Variants in LGR6 observed in about 807,000 individuals in gnomAD.
The protein encoded by LGR6 is leucine-rich repeat-containing G protein-coupled receptor 6.
A neutral mutation model predicts 69.4 loss-of-function variants in LGR6; 45 were observed. The observed-to-expected ratio is 0.65, with a 90% CI of 0.51 to 0.83. The LOEUF (loss-of-function observed/expected upper bound fraction) is 0.83. LGR6 is among the 40% of genes least tolerant of loss of function. The pLI, the probability that LGR6 is intolerant of heterozygous loss-of-function variation, is 0.00. For synonymous variants in LGR6, 538 were observed against 555.0 expected, an observed-to-expected ratio of 0.97 and a Z score of 0.43; for missense variants, 1,108 against 1,246.7, an observed-to-expected ratio of 0.89 and a Z score of 1.68.
chr1:202,219,062 G>A lies in LGR6; in HGVS notation c.213-6361G>A, dbSNP rs2147934767. Among the ~76,000 whole-genome samples the A allele has an allele frequency of 2.0e-5, 3 of 152,290 alleles. 1 individual carries two copies. Among genetic ancestry groups the A allele is most frequent in the South Asian group, 4.1e-4 (2 of 4,820 alleles). On this transcript the variant is annotated intron_variant, in intron 1 of 17. Coordinates refer to ENST00000367278, the MANE Select transcript of LGR6 (RefSeq NM_001017403.2). ...CCGGGAACTTAGCATTCGTCTAATG[G>A]AACCAGGTCCTCTGATTCCAGATTC...
chr1:202,297,784 C>T (rs1571990019), intron 7 of LGR6, among the ~76,000 whole-genome samples: 1 of 144,628 alleles, frequency 6.9e-6, no homozygotes, highest in East Asian at 2.2e-4. Flanking sequence ...TCGGGCACTT[C>T]CTGGGGGTGT....
Position 202,208,255 on chromosome 1 carries a change from G to A in LGR6, c.212+14054G>A, listed in dbSNP as rs527446930. On this transcript the variant is annotated intron_variant, in intron 1 of 17. Coordinates refer to ENST00000367278, the MANE Select transcript of LGR6 (RefSeq NM_001017403.2). ...CCTGGGCTAGGACGCTGTCTTTGCCGCCAACATGCTGAGTGCCTTTGGACA... is the reference window on the plus strand; with the variant it reads ...CCTGGGCTAGGACGCTGTCTTTGCCACCAACATGCTGAGTGCCTTTGGACA... 6.4e-4 allele frequency among the ~76,000 whole-genome samples: 98 copies of A among 152,310 alleles called. 1 individual carries two copies. Among genetic ancestry groups the A allele is most frequent in the Admixed American group, 2.9e-3 (44 of 15,302 alleles).
Position 202,318,183 on chromosome 1 carries a change from G to A in LGR6, c.1880G>A (p.Gly627Asp), listed in dbSNP as rs1156846916. 1.2e-6 allele frequency: 2 copies of A among 1,613,598 alleles called. No homozygotes were observed. Among genetic ancestry groups the A allele is most frequent in the Non-Finnish European group, 1.7e-6 (2 of 1,179,996 alleles). The change falls in exon 18 of 18, where the codon GGT (glycine) becomes GAT (aspartate). Residue 627 changes from glycine (G) to aspartate (D), a missense_variant. By Grantham distance (94) the Gly-to-Asp change is moderately conservative. Transcript: ENST00000367278. Reference protein sequence around the residue: ...LLASVDALTFGQFSEYGARWE... With the variant: ...LLASVDALTFDQFSEYGARWE... ...GCCTCAGTCGATGCCCTGACCTTTG[G>A]TCAGTTCTCTGAGTACGGAGCCCGC...
intron 4 of LGR6, among the ~76,000 whole-genome samples, chr1:202,250,552 CCCA>C (rs1189644551): frequency 6.6e-6 from 1 of 151,778 alleles, no homozygotes; most frequent in African/African-American, 2.4e-5. Flanking sequence ...ATTACAGGGG[CCCA>C]CCACCACACC....
rs762016946 is a variant in LGR6, at chr1:202,227,966, C to T, written c.315C>T (p.Ile105=). The T allele has an allele frequency of 6.2e-7, 1 of 1,613,898 alleles. No homozygotes were observed. The highest frequency in any genetic ancestry group is 1.1e-5 in the South Asian group (1 of 91,074). Residue 105 remains isoleucine, a synonymous_variant, in exon 3 of 18, where the codon ATC becomes ATT. Transcript: ENST00000367278. ...LRLSGNHLSH[I]PGQAFSGLYS... ...TCTCTGGGAACCATCTCTCACACAT[C>T]CCAGGACAAGCATTCTCTGGTCTCT...
At chr1:202,288,081 C>A (rs1252716421) in intron 6 of LGR6, among the ~76,000 whole-genome samples, 1 of 152,124 alleles carries the variant, frequency 6.6e-6, no homozygotes, top group Non-Finnish European at 1.5e-5. Flanking sequence ...CTGGTGTCAC[C>A]CCCTCCTCAA....
At chr1:202,221,552 T>G (rs1228797408) in intron 1 of LGR6, among the ~76,000 whole-genome samples, 8 of 152,182 alleles carry the variant, frequency 5.3e-5, no homozygotes, top group Non-Finnish European at 1.2e-4. Flanking sequence ...TTGAGAGGAC[T>G]CATAGCCCTT....
At chr1:202,263,722 TGAAGAGAG>T (rs1664418437) in intron 4 of LGR6, among the ~76,000 whole-genome samples, 1 of 152,096 alleles carries the variant, frequency 6.6e-6, no homozygotes, top group African/African-American at 2.4e-5. Flanking sequence ...AGCAGAGCTT[TGAAGAGAG>T]GATGGAGAAA....
chr1:202,205,969 A>AACACACACACACACACACAC (rs10522754), intron 1 of LGR6, among the ~76,000 whole-genome samples: 1,568 of 149,042 alleles, frequency 0.011, 27 homozygotes, highest in African/African-American at 0.037. Flanking sequence ...ACAGACACAC[A>AACACACACACACACACACAC]ACACACACAC....
intron 1 of LGR6, among the ~76,000 whole-genome samples, chr1:202,201,623 G>T (rs1023930829): frequency 2.0e-5 from 3 of 152,174 alleles, no homozygotes; most frequent in African/African-American, 7.2e-5. Flanking sequence ...CAGCTGAGGG[G>T]TTTCCAAACT....
chr1:202,274,656 G>T (rs897202207), intron 4 of LGR6, among the ~76,000 whole-genome samples: 1 of 152,202 alleles, frequency 6.6e-6, no homozygotes, highest in Non-Finnish European at 1.5e-5. Context: ...CTAAGATTCT[G>T]CATTTCTAAC....
chr1:202,207,749 G>A (rs1327681797), intron 1 of LGR6, among the ~76,000 whole-genome samples: 2 of 152,216 alleles, frequency 1.3e-5, no homozygotes, highest in African/African-American at 4.8e-5. Context: ...ATAGAGGGAT[G>A]ACAACGATGC....
intron 4 of LGR6, among the ~76,000 whole-genome samples, chr1:202,254,660 A>G (rs1663605255): frequency 6.6e-6 from 1 of 152,228 alleles, no homozygotes; most frequent in African/African-American, 2.4e-5. Flanking sequence ...TAGAATAAAT[A>G]TAGCTGGTGC....
intron 6 of LGR6, among the ~76,000 whole-genome samples, chr1:202,291,373 C>A (rs770796187): frequency 6.6e-6 from 1 of 152,158 alleles, no homozygotes; most frequent in Non-Finnish European, 1.5e-5. Context: ...ATAAGCCATC[C>A]TGCAATGAAA....
intron 1 of LGR6, 200 bp downstream of exon 1, chr1:202,194,401 CGG>C (rs1308677668): frequency 1.7e-6 from 1 of 588,040 alleles, no homozygotes; most frequent in Admixed American, 3.2e-5. Context: ...GCAGGGAGAC[CGG>C]GCTTCCCTGA....
intron 6 of LGR6, among the ~76,000 whole-genome samples, chr1:202,284,311 A>G (rs1666238675): frequency 6.6e-6 from 1 of 152,340 alleles, no homozygotes; most frequent in African/African-American, 2.4e-5. Context: ...TTCTACTTCC[A>G]CAATGAGGAT....
chr1:202,266,106 TAAA>T (rs35998973), intron 4 of LGR6, among the ~76,000 whole-genome samples: 8 of 143,886 alleles, frequency 5.6e-5, no homozygotes, highest in South Asian at 2.2e-4. Context: ...CTTTCCAGAT[TAAA>T]AAAAAAAAAA....
At chr1:202,272,738 G>A (rs1665205950) in intron 4 of LGR6, among the ~76,000 whole-genome samples, 1 of 152,246 alleles carries the variant, frequency 6.6e-6, no homozygotes, top group Non-Finnish European at 1.5e-5. Context: ...GGTTACATGT[G>A]TGAGCGTGCA....
intron 1 of LGR6, among the ~76,000 whole-genome samples, chr1:202,210,428 GA>G (rs57478369): frequency 3.3e-4 from 43 of 131,740 alleles, no homozygotes; most frequent in East Asian, 2.0e-3. Context: ...GTACAGAGCA[GA>G]AAAAAAAAAA....
Sources: gnomAD v4.1 joint callset for allele counts (sites outside exome capture counted in the v4.1 genomes callset) on GRCh38, gnomAD v4.1.1 for gene constraint, MANE v1.5 for transcripts, NCBI Gene and HGNC (gene_info 2026-07-23, HGNC 2026-07-21) for gene names.